The following CTNNA3 variants were observed in gnomAD, a reference collection of about 807,000 sequenced individuals.
CTNNA3 encodes the protein catenin alpha-3.
Under a neutral mutation model 95.7 loss-of-function variants are expected in CTNNA3, and 76 were observed. That is an observed-to-expected ratio of 0.79 (90% CI 0.66 to 0.96). The LOEUF is 0.96. CTNNA3 is among the 40% of genes least tolerant of loss of function. CTNNA3 has a pLI of 0.00. For synonymous variants in CTNNA3, 431 were observed against 374.4 expected, an observed-to-expected ratio of 1.15 and a Z score of -1.74; for missense variants, 1,191 against 1,089.8, an observed-to-expected ratio of 1.09 and a Z score of -1.31.
At chr10:66,811,105 C>T (rs1841857306) in intron 7 of CTNNA3, among the ~76,000 whole-genome samples, 1 of 152,162 alleles carries the variant, frequency 6.6e-6, no homozygotes, top group African/African-American at 2.4e-5. Flanking sequence ...AGTAAGTTCA[C>T]AGTATACTGT....
At chr10:67,580,672 G>C (rs879339495) in intron 3 of CTNNA3, among the ~76,000 whole-genome samples, 1 of 151,124 alleles carries the variant, frequency 6.6e-6, no homozygotes, top group Non-Finnish European at 1.5e-5. Context: ...TCATGATATT[G>C]ATTCTTCCTA....
At chr10:66,334,152 C>T (rs1168059618) in intron 12 of CTNNA3, among the ~76,000 whole-genome samples, 1 of 151,970 alleles carries the variant, frequency 6.6e-6, no homozygotes, top group Non-Finnish European at 1.5e-5. Flanking sequence ...TTCCTGAATA[C>T]AGCACACTGA....
At chr10:67,391,910 T>A (rs1180660442) in intron 5 of CTNNA3, among the ~76,000 whole-genome samples, 1 of 151,284 alleles carries the variant, frequency 6.6e-6, no homozygotes, top group Non-Finnish European at 1.5e-5. Flanking sequence ...CAATTCAAGA[T>A]GGATTAAAGA....
chr10:67,130,619 G>A (rs1859949557), intron 7 of CTNNA3, among the ~76,000 whole-genome samples: 1 of 152,140 alleles, frequency 6.6e-6, no homozygotes, highest in African/African-American at 2.4e-5. Context: ...ATTTGTTGAA[G>A]AGATCTTTTC....
chr10:67,299,476 C>G (rs1031249427), intron 5 of CTNNA3, among the ~76,000 whole-genome samples: 3 of 152,152 alleles, frequency 2.0e-5, no homozygotes, highest in Non-Finnish European at 2.9e-5. Context: ...GAATTTAAAG[C>G]CAGAATCGAA....
chr10:67,491,074 T>C lies in CTNNA3; in HGVS notation c.579+30768A>G, dbSNP rs141071260. ...AACTAATATGACAGGAAAACAGAAA[T>C]AAAAATTTTAAAAACTCAGTTGAAA... On this transcript the variant is annotated intron_variant, in intron 5 of 17. Transcript: ENST00000433211. Among the ~76,000 whole-genome samples, 88 of 151,150 alleles carry C rather than the reference T, an allele frequency of 5.8e-4. No homozygotes were observed. In the East Asian group the frequency reaches 0.016, roughly 27 times the overall value.
intron 13 of CTNNA3, among the ~76,000 whole-genome samples, chr10:66,199,765 CTATATATATATATATATA>C (rs59585958): frequency 4.0e-3 from 123 of 30,644 alleles, no homozygotes; most frequent in Admixed American, 0.02. Context: ...CCACGCCTGG[CTATATATATATATATATA>C]TATATATATA....
At chr10:66,522,884 A>G (rs1363441993) in intron 10 of CTNNA3, among the ~76,000 whole-genome samples, 1 of 152,134 alleles carries the variant, frequency 6.6e-6, no homozygotes, top group Non-Finnish European at 1.5e-5. Flanking sequence ...TCATACAATG[A>G]CAACAATAAA....
At position 67,610,821 on chromosome 10, in the gene CTNNA3, G is replaced by A. The variant is rs149327981; in HGVS notation, c.100-3772C>T. Among the ~76,000 whole-genome samples the A allele has an allele frequency of 3.3e-3, 505 of 152,302 alleles. 4 individuals carry two copies. Among genetic ancestry groups the A allele is most frequent in the African/African-American group, 0.011 (472 of 41,564 alleles). ...AATGTAGGGTTTAAGCCCATGTCTT[G>A]CTAACTTTACCTTTTGCCATAGATA... is the stretch of plus-strand genomic sequence containing the variant. On this transcript the variant is annotated intron_variant, in intron 2 of 17. Transcript: ENST00000433211.
At chr10:67,708,810 T>TAA (rs1360038421) in intron 1 of CTNNA3, among the ~76,000 whole-genome samples, 2 of 152,142 alleles carry the variant, frequency 1.3e-5, no homozygotes, top group African/African-American at 4.8e-5. Flanking sequence ...GAGAACTGTT[T>TAA]ATTTTTCCTG....
At chr10:67,558,722 C>A (rs549555291) in intron 3 of CTNNA3, among the ~76,000 whole-genome samples, 3 of 152,338 alleles carry the variant, frequency 2.0e-5, no homozygotes, top group African/African-American at 7.2e-5. Flanking sequence ...TCAGGGAGTT[C>A]CCTTTCCTGG....
At chr10:66,100,285 G>T (rs2081567430) in intron 14 of CTNNA3, among the ~76,000 whole-genome samples, 1 of 152,080 alleles carries the variant, frequency 6.6e-6, no homozygotes, top group East Asian at 1.9e-4. Flanking sequence ...GTCAAGAGTT[G>T]CTCTATGTGG....
At chr10:66,120,931 A>C (rs1239217501) in intron 13 of CTNNA3, among the ~76,000 whole-genome samples, 1 of 152,218 alleles carries the variant, frequency 6.6e-6, no homozygotes, top group East Asian at 1.9e-4. Context: ...CCCCTAATGC[A>C]CATGGAAGTA....
chr10:66,810,912 A>G (rs1251040675), intron 7 of CTNNA3, among the ~76,000 whole-genome samples: 1 of 152,080 alleles, frequency 6.6e-6, no homozygotes, highest in Non-Finnish European at 1.5e-5. Context: ...AGACTGTTAT[A>G]TTAGTCATCT....
chr10:66,552,878 A>G (rs953392692), intron 10 of CTNNA3, among the ~76,000 whole-genome samples: 1 of 150,670 alleles, frequency 6.6e-6, no homozygotes, highest in Non-Finnish European at 1.5e-5. Flanking sequence ...CGTTTAGCCT[A>G]TTTTCTTTGA....
At chr10:67,468,061 G>A (rs1336332453) in intron 5 of CTNNA3, among the ~76,000 whole-genome samples, 1 of 151,500 alleles carries the variant, frequency 6.6e-6, no homozygotes, top group Non-Finnish European at 1.5e-5. Context: ...GTACACACGT[G>A]GGTTTGTTAT....
chr10:66,234,475 T>C (rs2089754491), intron 13 of CTNNA3, among the ~76,000 whole-genome samples: 1 of 152,172 alleles, frequency 6.6e-6, no homozygotes, highest in South Asian at 2.1e-4. Flanking sequence ...TGATTGAACA[T>C]TGATCTTTGA....
chr10:67,740,859 C>T (rs188085811), intron 1 of CTNNA3, among the ~76,000 whole-genome samples: 10 of 151,280 alleles, frequency 6.6e-5, no homozygotes, highest in African/African-American at 1.5e-4. Flanking sequence ...CACATGCACA[C>T]GTATGTTTAT....
At position 66,902,244 on chromosome 10, in the gene CTNNA3, G is replaced by A. The variant is rs112293181; in HGVS notation, c.1048-126720C>T. Reference sequence around the variant, plus strand: ...TAAGAAACTCACTCAAAACCACACAGCTACATGGAAACTGAGCAACCTGCT... The same window carrying A: ...TAAGAAACTCACTCAAAACCACACAACTACATGGAAACTGAGCAACCTGCT... On this transcript the variant is annotated intron_variant, in intron 7 of 17. Transcript: ENST00000433211. 3.6e-3 allele frequency among the ~76,000 whole-genome samples: 543 copies of A among 152,218 alleles called. 2 individuals carry two copies. The highest frequency in any genetic ancestry group is 0.012 in the African/African-American group (515 of 41,544).
Sources: allele counts gnomAD v4.1 joint callset (sites outside exome capture counted in the v4.1 genomes callset), GRCh38; gene constraint gnomAD v4.1.1; transcripts MANE v1.5; gene names NCBI Gene and HGNC (gene_info 2026-07-23, HGNC 2026-07-21).